ST7: variants seen among roughly 807,000 people sequenced by gnomAD.
ST7 encodes the protein suppression of tumorigenicity 7.
A neutral mutation model predicts 78.7 loss-of-function variants in ST7; 28 were observed. The observed-to-expected ratio is 0.36, with a 90% CI of 0.26 to 0.49. ST7 has a LOEUF of 0.49. ST7 is among the 20% of genes least tolerant of loss of function. The pLI is 0.99. For synonymous variants in ST7, 247 were observed against 249.6 expected, an observed-to-expected ratio of 0.99 and a Z score of 0.10; for missense variants, 418 against 696.0, an observed-to-expected ratio of 0.60 and a Z score of 4.49.
intron 1 of ST7, chr7:117,020,525 A>G (rs1224689494): frequency 2.6e-6 from 4 of 1,512,722 alleles, no homozygotes; most frequent in Admixed American, 2.0e-5. Flanking sequence ...TCACTCTCAC[A>G]TGTACACTCT....
intron 1 of ST7, among the ~76,000 whole-genome samples, chr7:117,097,908 ATTTTTTTTTT>A (rs751549285): frequency 1.0e-4 from 3 of 30,020 alleles, no homozygotes; most frequent in Non-Finnish European, 1.1e-4. Context: ...ATATATATAT[ATTTTTTTTTT>A]TTTTTTTTTT....
chr7:116,959,200 T>A (rs1792692893), intron 1 of ST7: 1 of 470,296 alleles, frequency 2.1e-6, no homozygotes, highest in Non-Finnish European at 4.4e-6. Flanking sequence ...CTCAAAACAC[T>A]TTCTTTGCTC....
intron 1 of ST7, chr7:116,968,579 C>A: frequency 3.3e-6 from 1 of 305,540 alleles, no homozygotes; most frequent in Non-Finnish European, 6.8e-6. Context: ...ATACTATTAG[C>A]GAGTCGCAGT....
At position 117,190,808 on chromosome 7, in the gene ST7, A is replaced by G. The variant is rs1298029517; in HGVS notation, c.1152-26A>G. ...ATGCCCAAGCAGTGGTCCCACCTGG[A>G]TGGTTTTTGTCTTTCTGCTTTTCAG... On this transcript the variant is annotated intron_variant, in intron 11 of 15. Transcript: ENST00000323984. This position sits in a 1 kb window ranked among gnomAD's most constrained non-coding sequence, Gnocchi z 5.2. 1 of 1,603,856 alleles carries G rather than the reference A, an allele frequency of 6.2e-7. No individual in the cohort carries two copies. Among genetic ancestry groups the G allele is most frequent in the South Asian group, 1.1e-5 (1 of 90,822 alleles).
chr7:117,219,037 A>G lies in ST7; in HGVS notation c.1406-47A>G. ...CGCCCCTTTTTGCAGTTGGGAAGTT[A>G]TGACACAAACATTGGACATCTCTGA... On this transcript the variant is annotated intron_variant, in intron 13 of 15. Coordinates refer to ENST00000323984, the MANE Select transcript of ST7 (RefSeq NM_001369598.1). The surrounding 1 kb of genome is among the most constrained non-coding windows in gnomAD (Gnocchi z 5.1). The G allele has an allele frequency of 4.0e-6, 6 of 1,516,418 alleles. No homozygotes were observed. The highest frequency in any genetic ancestry group is 2.4e-5 in the South Asian group (2 of 84,322). 93.9% of individuals were successfully genotyped at this position (1,516,418 alleles called of 1,614,324 possible). A position where few individuals can be genotyped will look rare whatever the true frequency, so the allele number is the denominator to read the frequency against.
chr7:117,169,191 A>G (rs1807797442), intron 9 of ST7, among the ~76,000 whole-genome samples: 1 of 144,720 alleles, frequency 6.9e-6, no homozygotes, highest in African/African-American at 2.6e-5. Flanking sequence ...ACTGGAATGC[A>G]GTGGCATGAT....
chr7:117,088,112 CTT>C (rs1800302525), intron 1 of ST7, among the ~76,000 whole-genome samples: 1 of 152,180 alleles, frequency 6.6e-6, no homozygotes, highest in Non-Finnish European at 1.5e-5. Context: ...CATACTCTCT[CTT>C]CTTTCCTCTC....
chr7:116,984,768 C>T (rs1794121347), intron 1 of ST7, among the ~76,000 whole-genome samples: 1 of 152,134 alleles, frequency 6.6e-6, no homozygotes, highest in African/African-American at 2.4e-5. Flanking sequence ...ATTTGCTTTC[C>T]TCTACTATGG....
intron 1 of ST7, among the ~76,000 whole-genome samples, chr7:117,050,360 ACTCAT>A (rs1797717289): frequency 2.6e-5 from 4 of 152,156 alleles, no homozygotes; most frequent in Admixed American, 2.6e-4. Flanking sequence ...CTCCAAACAA[ACTCAT>A]CTCAATAGCA....
chr7:117,196,508 T>G (rs569728838), intron 12 of ST7, among the ~76,000 whole-genome samples: 1 of 152,128 alleles, frequency 6.6e-6, no homozygotes. Flanking sequence ...ATTTCTCTGC[T>G]TGTTAGTGAT....
chr7:117,000,504 A>G (rs1292460156), intron 1 of ST7, among the ~76,000 whole-genome samples: 3 of 152,248 alleles, frequency 2.0e-5, no homozygotes, highest in Non-Finnish European at 4.4e-5. Context: ...CAAGTGACCA[A>G]AAAGCAAAGT....
chr7:117,122,453 A>T (rs1225114541), intron 3 of ST7, among the ~76,000 whole-genome samples: 1 of 151,990 alleles, frequency 6.6e-6, no homozygotes, highest in Non-Finnish European at 1.5e-5. Flanking sequence ...TTTTGTTTGT[A>T]TTTTTTACTT....
At chr7:117,189,592 G>A (rs531292904) in intron 11 of ST7, among the ~76,000 whole-genome samples, 199 bp downstream of exon 11, 4 of 152,310 alleles carry the variant, frequency 2.6e-5, no homozygotes, top group African/African-American at 9.6e-5. Context: ...GGTGTGTAAA[G>A]GTATCCTAAA....
intron 12 of ST7, among the ~76,000 whole-genome samples, chr7:117,199,342 C>A (rs537365199): frequency 1.3e-5 from 2 of 152,116 alleles, no homozygotes; most frequent in Non-Finnish European, 2.9e-5. Flanking sequence ...GCCCCTGCAC[C>A]CTCTGTCTTG....
At chr7:117,094,506 C>G (rs1800876678) in intron 1 of ST7, among the ~76,000 whole-genome samples, 1 of 152,224 alleles carries the variant, frequency 6.6e-6, no homozygotes, top group Non-Finnish European at 1.5e-5. Flanking sequence ...GCTTCTCTCA[C>G]CCATTGGATT....
At chr7:117,086,386 G>T (rs891861957) in intron 1 of ST7, among the ~76,000 whole-genome samples, 1 of 152,154 alleles carries the variant, frequency 6.6e-6, no homozygotes, top group African/African-American at 2.4e-5. Context: ...ACCAATTACT[G>T]ATCCACCTCA....
intron 1 of ST7, chr7:116,958,603 C>T (rs1227804639): frequency 4.2e-6 from 2 of 471,404 alleles, no homozygotes; most frequent in Admixed American, 2.3e-5. Context: ...AGCTGGCATG[C>T]TGCCTTCTGA....
intron 3 of ST7, among the ~76,000 whole-genome samples, chr7:117,127,295 T>G (rs2116996443): frequency 6.6e-6 from 1 of 152,064 alleles, no homozygotes; most frequent in South Asian, 2.1e-4. Flanking sequence ...GGCATTTACA[T>G]CCTTTGTCTC....
At chr7:117,042,796 C>T (rs1047320655) in intron 1 of ST7, among the ~76,000 whole-genome samples, 1 of 151,876 alleles carries the variant, frequency 6.6e-6, no homozygotes, top group African/African-American at 2.4e-5. Context: ...TCCTTTTTTA[C>T]TTTTGAATCT....
Sources: allele counts gnomAD v4.1 joint callset (sites outside exome capture counted in the v4.1 genomes callset), GRCh38; gene constraint gnomAD v4.1.1; non-coding constraint Gnocchi (gnomAD v3.1); transcripts MANE v1.5; gene names NCBI Gene and HGNC (gene_info 2026-07-23, HGNC 2026-07-21).